The following FGGY variants were observed in gnomAD, a reference collection of about 807,000 sequenced individuals.
FGGY encodes FGGY carbohydrate kinase domain-containing protein.
A neutral mutation model predicts 71.3 loss-of-function variants in FGGY; 72 were observed. The observed-to-expected ratio is 1.01, with a 90% CI of 0.84 to 1.23. FGGY has a LOEUF of 1.23. Ranked by LOEUF, FGGY falls within the 50% of genes most tolerant of loss-of-function variation. The probability of loss-of-function intolerance (pLI) is 0.00; values close to 1 mark genes in which losing one functional copy is unlikely to be tolerated. For missense variants in FGGY, 668 were observed against 682.3 expected, an observed-to-expected ratio of 0.98 and a Z score of 0.23; for synonymous variants, 251 against 250.3, an observed-to-expected ratio of 1.00 and a Z score of -0.02.
intron 8 of FGGY, among the ~76,000 whole-genome samples, chr1:59,589,422 C>T (rs1160666216): frequency 6.6e-6 from 1 of 152,196 alleles, no homozygotes; most frequent in Non-Finnish European, 1.5e-5. Flanking sequence ...GAACTCAACT[C>T]TGCACCAAGC....
intron 9 of FGGY, among the ~76,000 whole-genome samples, chr1:59,611,417 A>G (rs1429899539): frequency 6.6e-6 from 1 of 152,186 alleles, no homozygotes; most frequent in Non-Finnish European, 1.5e-5. Context: ...AGCAATCTCC[A>G]ACAGACCTGC....
intron 14 of FGGY, among the ~76,000 whole-genome samples, chr1:59,712,481 C>T (rs966652491): frequency 3.3e-5 from 5 of 152,222 alleles, no homozygotes; most frequent in African/African-American, 7.2e-5. Context: ...CACCACATTT[C>T]CCTTTGCACT....
chr1:59,541,719 G>C, intron 7 of FGGY, among the ~76,000 whole-genome samples: 1 of 152,208 alleles, frequency 6.6e-6, no homozygotes, highest in South Asian at 2.1e-4. Context: ...GAATATATCC[G>C]AAAGAAATGT....
At chr1:59,738,170 G>C (rs897078384) in intron 14 of FGGY, among the ~76,000 whole-genome samples, 1 of 152,190 alleles carries the variant, frequency 6.6e-6, no homozygotes, top group Non-Finnish European at 1.5e-5. Flanking sequence ...AGGCATTGAA[G>C]AAAACGTTCT....
chr1:59,432,346 AGG>A (rs2067552848), intron 5 of FGGY, among the ~76,000 whole-genome samples: 2 of 152,232 alleles, frequency 1.3e-5, no homozygotes, highest in Admixed American at 1.3e-4. Context: ...ACCTGAAAAA[AGG>A]GGGTTATGGG....
Position 59,554,209 on chromosome 1 carries a change from GTCT to G in FGGY, c.890_892del (p.Ser297del). The G allele has an allele frequency of 1.9e-6, 3 of 1,613,336 alleles. No homozygotes were observed. Among genetic ancestry groups the G allele is most frequent in the South Asian group, 2.2e-5 (2 of 91,030 alleles). On this transcript the variant is annotated inframe_deletion, in exon 8 of 16. Coordinates refer to ENST00000303721, the MANE Select transcript of FGGY (RefSeq NM_018291.5). ...CACGGCTGGCTGTCATCTGTGGAAC[GTCT>G]TCTTGTCACATGGGGGTGAGTCCAC...
intron 9 of FGGY, among the ~76,000 whole-genome samples, chr1:59,614,337 GT>G (rs1284362188): frequency 1.3e-5 from 2 of 152,164 alleles, no homozygotes; most frequent in African/African-American, 4.8e-5. Flanking sequence ...TGCAAGACTG[GT>G]TCAACATATG....
intron 10 of FGGY, among the ~76,000 whole-genome samples, chr1:59,630,935 A>G (rs1033978391): frequency 1.3e-5 from 2 of 152,032 alleles, no homozygotes; most frequent in African/African-American, 4.8e-5. Context: ...CTTGGTCTCT[A>G]CTTCTCCACT....
intron 14 of FGGY, among the ~76,000 whole-genome samples, chr1:59,756,682 G>A (rs1053239655): frequency 6.6e-6 from 1 of 152,186 alleles, no homozygotes; most frequent in African/African-American, 2.4e-5. Flanking sequence ...AAACAGACAA[G>A]TCCTTGCCCT....
At chr1:59,357,596 A>G (rs553333197) in intron 4 of FGGY, among the ~76,000 whole-genome samples, 3 of 151,516 alleles carry the variant, frequency 2.0e-5, no homozygotes, top group Non-Finnish European at 4.4e-5. Flanking sequence ...ATTCTGGTAT[A>G]TGTGTGTGTG....
chr1:59,534,351 C>G (rs1199461477), intron 7 of FGGY, among the ~76,000 whole-genome samples: 1 of 152,194 alleles, frequency 6.6e-6, no homozygotes, highest in Non-Finnish European at 1.5e-5. Flanking sequence ...AAATCTACGT[C>G]TGATTGGTGT....
chr1:59,301,099 A>T (rs1035969701), intron 1 of FGGY, among the ~76,000 whole-genome samples: 1 of 152,202 alleles, frequency 6.6e-6, no homozygotes, highest in African/African-American at 2.4e-5. Context: ...TGACCCGTGG[A>T]CACAGTATAT....
At chr1:59,612,623 C>G (rs955853678) in intron 9 of FGGY, among the ~76,000 whole-genome samples, 1 of 152,172 alleles carries the variant, frequency 6.6e-6, no homozygotes, top group African/African-American at 2.4e-5. Context: ...GTCATAATGA[C>G]AGGATCAAAT....
At chr1:59,601,345 G>T (rs1020743664) in intron 8 of FGGY, among the ~76,000 whole-genome samples, 1 of 152,192 alleles carries the variant, frequency 6.6e-6, no homozygotes, top group African/African-American at 2.4e-5. Context: ...GTGTGAGCAG[G>T]CTTCTGGGCT....
chr1:59,717,198 C>G (rs996009422), intron 14 of FGGY, among the ~76,000 whole-genome samples: 2 of 152,080 alleles, frequency 1.3e-5, no homozygotes, highest in Non-Finnish European at 2.9e-5. Flanking sequence ...CAGTGCAGAG[C>G]TTTTGTGTTG....
chr1:59,659,512 C>T (rs1384546331), intron 11 of FGGY, among the ~76,000 whole-genome samples: 2 of 152,126 alleles, frequency 1.3e-5, no homozygotes, highest in East Asian at 3.8e-4. Flanking sequence ...AAGTTGGGCT[C>T]GGCTTGAAGA....
At chr1:59,610,586 C>T (rs148473544) in intron 9 of FGGY, among the ~76,000 whole-genome samples, 156 of 152,338 alleles carry the variant, frequency 1.0e-3, no homozygotes, top group Middle Eastern at 3.4e-3. Flanking sequence ...CCAGCATGAG[C>T]GATGCAGACG....
intron 5 of FGGY, among the ~76,000 whole-genome samples, chr1:59,437,641 A>G (rs752403522): frequency 1.4e-4 from 21 of 152,234 alleles, no homozygotes; most frequent in Non-Finnish European, 2.9e-4. Flanking sequence ...TCTGGAGATT[A>G]TATCTGGTTA....
Position 59,319,790 on chromosome 1 carries a change from C to T in FGGY, c.-14-1746C>T, listed in dbSNP as rs566430433. The stretch of plus-strand genomic sequence containing the variant: ...GGAGCCTGTGGAGGGTGTGAGATCC[C>T]GTGCTGAGGCCCTGGGGTATATCAC... On this transcript the variant is annotated intron_variant, in intron 1 of 15. Coordinates refer to ENST00000303721, the MANE Select transcript of FGGY (RefSeq NM_018291.5). Among the ~76,000 whole-genome samples, 323 of 152,140 alleles carry T rather than the reference C, an allele frequency of 2.1e-3. 2 individuals carry two copies. Among genetic ancestry groups the T allele is most frequent in the South Asian group, 9.5e-3 (46 of 4,820 alleles).
Sources: allele counts gnomAD v4.1 joint callset (sites outside exome capture counted in the v4.1 genomes callset), GRCh38; gene constraint gnomAD v4.1.1; transcripts MANE v1.5; gene names NCBI Gene and HGNC (gene_info 2026-07-23, HGNC 2026-07-21).